Variants in EYS observed in about 807,000 individuals in gnomAD.
EYS encodes protein eyes shut homolog.
Under a neutral mutation model 282.1 loss-of-function variants are expected in EYS, and 250 were observed. The ratio of observed to expected loss-of-function variants is 0.89; its 90% CI spans 0.80 to 0.98. The LOEUF (loss-of-function observed/expected upper bound fraction) is 0.98. EYS is among the 50% of genes least tolerant of loss of function. The pLI is 0.00. For missense variants in EYS, 4,016 were observed against 3,709.0 expected (o/e 1.08, Z -2.15); for synonymous variants, 1,355 against 1,282.9 (o/e 1.06, Z -1.20).
intron 2 of EYS, among the ~76,000 whole-genome samples, chr6:65,566,930 A>AGG (rs1769302061): frequency 6.6e-6 from 1 of 152,182 alleles, no homozygotes; most frequent in Non-Finnish European, 1.5e-5. Context: ...AGGTTAAATT[A>AGG]CTTAGCACAT....
At chr6:64,282,920 C>A (rs1171282965) in intron 30 of EYS, among the ~76,000 whole-genome samples, 5 of 152,130 alleles carry the variant, frequency 3.3e-5, no homozygotes, top group Non-Finnish European at 7.4e-5. Flanking sequence ...TACCAGATGG[C>A]AGACAGAATC....
intron 15 of EYS, among the ~76,000 whole-genome samples, chr6:64,935,233 G>A (rs1768868805): frequency 6.6e-6 from 1 of 151,618 alleles, no homozygotes; most frequent in African/African-American, 2.4e-5. Context: ...GAAGAAGGCA[G>A]CAGCAAAAGA....
At chr6:64,413,685 G>T (rs1773978718) in intron 28 of EYS, among the ~76,000 whole-genome samples, 1 of 152,076 alleles carries the variant, frequency 6.6e-6, no homozygotes, top group African/African-American at 2.4e-5. Flanking sequence ...TAATTTAAGG[G>T]ACTAAGATAC....
chr6:65,018,605 G>A (rs145550695), intron 13 of EYS, among the ~76,000 whole-genome samples: 3 of 152,114 alleles, frequency 2.0e-5, no homozygotes, highest in Admixed American at 2.0e-4. Context: ...ATATAATTTT[G>A]GGAGGACACA....
intron 15 of EYS, among the ~76,000 whole-genome samples, chr6:64,938,248 C>T (rs1768974349): frequency 6.6e-6 from 1 of 151,544 alleles, no homozygotes; most frequent in African/African-American, 2.4e-5. Context: ...TAGTAGTTCT[C>T]TCCTTTTCCA....
intron 26 of EYS, among the ~76,000 whole-genome samples, chr6:64,561,060 C>G (rs1012017116): frequency 6.6e-6 from 1 of 152,134 alleles, no homozygotes; most frequent in Non-Finnish European, 1.5e-5. Context: ...AAATGTGATT[C>G]ATCACGTAAA....
At chr6:64,252,994 G>A (rs2150349194) in intron 30 of EYS, among the ~76,000 whole-genome samples, 1 of 152,140 alleles carries the variant, frequency 6.6e-6, no homozygotes, top group Middle Eastern at 3.4e-3. Context: ...ATGTGTTAGA[G>A]CCTTTAACAT....
At chr6:64,580,199 T>C (rs1386036025) in intron 26 of EYS, among the ~76,000 whole-genome samples, 1 of 152,144 alleles carries the variant, frequency 6.6e-6, no homozygotes, top group East Asian at 1.9e-4. Context: ...TCTCCATTCT[T>C]ACAGCAAAGC....
chr6:63,825,179 A>G (rs1176867177), intron 36 of EYS, among the ~76,000 whole-genome samples: 1 of 152,010 alleles, frequency 6.6e-6, no homozygotes, highest in East Asian at 1.9e-4. Context: ...GGCAGCCACA[A>G]TCCTCCTAGG....
intron 31 of EYS, among the ~76,000 whole-genome samples, chr6:64,164,228 C>T (rs774082377): frequency 9.9e-5 from 15 of 152,058 alleles, no homozygotes; most frequent in Non-Finnish European, 1.8e-4. Flanking sequence ...TCTAATTTAT[C>T]CCAGCACAGA....
intron 11 of EYS, among the ~76,000 whole-genome samples, chr6:65,322,807 A>AAAAAAAG (rs1286932255): frequency 2.2e-5 from 3 of 138,294 alleles, no homozygotes; most frequent in Admixed American, 7.4e-5. Flanking sequence ...AAAAAAAAAA[A>AAAAAAAG]AAAAAAGAAA....
At chr6:65,527,738 C>G (rs1767622084) in intron 2 of EYS, among the ~76,000 whole-genome samples, 1 of 152,182 alleles carries the variant, frequency 6.6e-6, no homozygotes, top group African/African-American at 2.4e-5. Flanking sequence ...CAATCAAATG[C>G]ATTGACACAA....
At chr6:64,245,223 G>T (rs1766973772) in intron 30 of EYS, among the ~76,000 whole-genome samples, 1 of 152,074 alleles carries the variant, frequency 6.6e-6, no homozygotes, top group Admixed American at 6.5e-5. Context: ...ATACTATGCA[G>T]TCATAAAAAA....
chr6:64,786,760 A>T (rs2149997541), intron 22 of EYS, among the ~76,000 whole-genome samples: 1 of 152,274 alleles, frequency 6.6e-6, no homozygotes, highest in East Asian at 1.9e-4. Flanking sequence ...ATTTTTTAAA[A>T]AATTATTCCT....
chr6:64,794,691 T>A (rs888625463), intron 22 of EYS, among the ~76,000 whole-genome samples: 1 of 152,200 alleles, frequency 6.6e-6, no homozygotes, highest in African/African-American at 2.4e-5. Context: ...AAATGTGGCA[T>A]ATACATACAT....
At chr6:64,316,170 C>T (rs1414924563) in intron 29 of EYS, among the ~76,000 whole-genome samples, 2 of 152,144 alleles carry the variant, frequency 1.3e-5, no homozygotes, top group African/African-American at 4.8e-5. Flanking sequence ...GACAAGGATG[C>T]CCTCTCTCAC....
chr6:65,564,237 A>C (rs944747056), intron 2 of EYS, among the ~76,000 whole-genome samples: 7 of 152,172 alleles, frequency 4.6e-5, no homozygotes, highest in African/African-American at 1.7e-4. Context: ...CCATTAAGTA[A>C]TCATTGACTT....
intron 29 of EYS, among the ~76,000 whole-genome samples, chr6:64,370,470 G>A (rs1032907171): frequency 2.0e-5 from 3 of 151,936 alleles, no homozygotes; most frequent in African/African-American, 7.2e-5. Flanking sequence ...AAGGATATTG[G>A]CCAAAGTTTT....
chr6:65,108,403 G>C (rs893513261), intron 12 of EYS, among the ~76,000 whole-genome samples: 1 of 152,026 alleles, frequency 6.6e-6, no homozygotes, highest in Non-Finnish European at 1.5e-5. Context: ...GTTCAGGTGA[G>C]TTTCCCATCT....
Sources: allele counts gnomAD v4.1 joint callset (sites outside exome capture counted in the v4.1 genomes callset), GRCh38; gene constraint gnomAD v4.1.1; transcripts MANE v1.5; gene names NCBI Gene and HGNC (gene_info 2026-07-23, HGNC 2026-07-21).